SLA2: variants seen among roughly 807,000 people sequenced by gnomAD.
SLA2 encodes Src like adaptor 2.
Under a neutral mutation model 27.3 loss-of-function variants are expected in SLA2, and 22 were observed. The ratio of observed to expected loss-of-function variants is 0.81; its 90% CI spans 0.58 to 1.15. The LOEUF is 1.15. Ranked by LOEUF, SLA2 falls within the 50% of genes most tolerant of loss-of-function variation. The pLI, the probability that SLA2 is intolerant of heterozygous loss-of-function variation, is 0.00. For missense variants in SLA2, 304 were observed against 322.2 expected, an observed-to-expected ratio of 0.94 and a Z score of 0.43; for synonymous variants, 131 against 137.8, an observed-to-expected ratio of 0.95 and a Z score of 0.34.
At chr20:36,638,618 C>T (rs753050853) in intron 2 of SLA2, among the ~76,000 whole-genome samples, 3 of 151,938 alleles carry the variant, frequency 2.0e-5, no homozygotes, top group Admixed American at 6.6e-5. Context: ...CATGAGCCAC[C>T]GCCCCTAGCC....
At chr20:36,631,287 G>A (rs1396643850) in intron 5 of SLA2, among the ~76,000 whole-genome samples, 3 of 152,096 alleles carry the variant, frequency 2.0e-5, no homozygotes, top group Admixed American at 6.6e-5. Context: ...GAAGTAGCTC[G>A]GACTACAGGG....
chr20:36,619,483 G>A (rs1392608958), intron 5 of SLA2, among the ~76,000 whole-genome samples: 3 of 151,318 alleles, frequency 2.0e-5, no homozygotes, highest in Admixed American at 1.3e-4. Flanking sequence ...CCAAGATCAC[G>A]CCACTGCACT....
At chr20:36,618,208 ATAAG>A (rs1223553800) in intron 5 of SLA2, among the ~76,000 whole-genome samples, 2 of 152,150 alleles carry the variant, frequency 1.3e-5, no homozygotes, top group Non-Finnish European at 2.9e-5. Context: ...GCAGACAACC[ATAAG>A]TAAGCTAGAA....
At position 36,616,835 on chromosome 20, in the gene SLA2, G is replaced by A. The variant is rs368535418; in HGVS notation, c.383-1461C>T. ...AGGCTAGGGGCAGTGGCTCACGCCT[G>A]TAATCCCAGTTCGAGACCACCCTGG... On this transcript the variant is annotated intron_variant, in intron 5 of 7. Coordinates refer to ENST00000262866, the MANE Select transcript of SLA2 (RefSeq NM_032214.4). Among the ~76,000 whole-genome samples the A allele has an allele frequency of 3.4e-4, 52 of 152,246 alleles. 1 individual carries two copies. The South Asian group carries it at 0.011, about 31-fold the overall frequency.
intron 2 of SLA2, among the ~76,000 whole-genome samples, chr20:36,637,390 T>C (rs924631000): frequency 8.7e-5 from 13 of 149,890 alleles, no homozygotes; most frequent in African/African-American, 3.2e-4. Context: ...AGAGATGAGA[T>C]TTCACCACGT....
intron 2 of SLA2, among the ~76,000 whole-genome samples, chr20:36,637,150 T>C (rs2039458941): frequency 6.6e-6 from 1 of 151,968 alleles, no homozygotes; most frequent in African/African-American, 2.4e-5. Flanking sequence ...AGGTGACCCT[T>C]GTTCTATTAG....
chr20:36,643,808 C>T (rs1336859223), intron 1 of SLA2, among the ~76,000 whole-genome samples: 4 of 152,032 alleles, frequency 2.6e-5, no homozygotes, highest in South Asian at 2.1e-4. Context: ...AAAAATGAGC[C>T]GGGTGTGGTG....
rs1367051264 is a variant in SLA2, at chr20:36,612,358, G to C, written c.*1508C>G. 1 of 774,068 alleles carries C rather than the reference G, an allele frequency of 1.3e-6. No individual in the cohort carries two copies. Among genetic ancestry groups the C allele is most frequent in the Non-Finnish European group, 2.2e-6 (1 of 458,698 alleles). The allele number at this position is 774,068 out of a possible 1,614,324, so 47.9% of individuals were successfully genotyped here. ...TGTCATTTAATTTGATGCACCTCTGGATTCAGATGAAACATTAAATTGTCT... is the reference window on the plus strand; with the variant it reads ...TGTCATTTAATTTGATGCACCTCTGCATTCAGATGAAACATTAAATTGTCT... On this transcript the variant is annotated 3_prime_UTR_variant, in exon 8 of 8. Transcript: ENST00000262866.
At chr20:36,638,036 C>T (rs533980747) in intron 2 of SLA2, among the ~76,000 whole-genome samples, 33 of 151,710 alleles carry the variant, frequency 2.2e-4, no homozygotes, top group African/African-American at 7.7e-4. Context: ...GGATTACAGG[C>T]ACCCACCACC....
rs200666164 is a variant in SLA2 at position 36,619,630 on chromosome 20, TTTTC to T, written c.383-4260_383-4257del. On this transcript the variant is annotated intron_variant, in intron 5 of 7. Coordinates refer to ENST00000262866, the MANE Select transcript of SLA2 (RefSeq NM_032214.4). ...CCCCTTCCCATGTCTGTACAAATTTTTTTCTTTTTTTTTTTTTTGAGACAGAGTC... is the reference window on the plus strand; with the variant it reads ...CCCCTTCCCATGTCTGTACAAATTTTTTTTTTTTTTTTTTGAGACAGAGTC... Among the ~76,000 whole-genome samples the T allele has an allele frequency of 3.6e-3, 546 of 150,070 alleles. 6 individuals carry two copies. Among genetic ancestry groups the T allele is most frequent in the African/African-American group, 0.013 (524 of 39,956 alleles).
chr20:36,637,770 G>C (rs997731436), intron 2 of SLA2, among the ~76,000 whole-genome samples: 1 of 151,048 alleles, frequency 6.6e-6, no homozygotes, highest in African/African-American at 2.4e-5. Flanking sequence ...GGGATTACAG[G>C]CACATACCAC....
intron 5 of SLA2, among the ~76,000 whole-genome samples, chr20:36,629,229 A>C (rs978013495): frequency 6.6e-6 from 1 of 151,706 alleles, no homozygotes; most frequent in African/African-American, 2.4e-5. Context: ...TGCCCGGCTA[A>C]TTTTTTTGTA....
chr20:36,616,665 G>A (rs551931367), intron 5 of SLA2, among the ~76,000 whole-genome samples: 13 of 152,114 alleles, frequency 8.5e-5, no homozygotes, highest in African/African-American at 3.1e-4. Context: ...CCATGCTCTC[G>A]CTCTGTTGCC....
chr20:36,633,777 C>T (rs1422533692), intron 3 of SLA2, 148 bp from the exon 4 acceptor site: 2 of 628,540 alleles, frequency 3.2e-6, no homozygotes, highest in Non-Finnish European at 5.7e-6. Flanking sequence ...CTAGCCTGTC[C>T]AGGTACCTCC....
chr20:36,624,228 C>G (rs768418766), intron 5 of SLA2, among the ~76,000 whole-genome samples: 5 of 152,162 alleles, frequency 3.3e-5, no homozygotes, highest in Admixed American at 3.3e-4. Context: ...CAGGTCGTCT[C>G]ATGCCCCTAC....
At chr20:36,637,637 T>TC (rs1168414119) in intron 2 of SLA2, among the ~76,000 whole-genome samples, 1 of 141,842 alleles carries the variant, frequency 7.1e-6, no homozygotes, top group Non-Finnish European at 1.5e-5. Context: ...TTTTTTTTTT[T>TC]TTTTTTTTTG....
At chr20:36,633,448 C>G in intron 4 of SLA2, 95 bp downstream of exon 4, 2 of 1,069,624 alleles carry the variant, frequency 1.9e-6, no homozygotes, top group South Asian at 2.7e-5. Context: ...CCCCCATCCC[C>G]AGCTTTGCTC....
chr20:36,642,266 C>T (rs2039514794), intron 1 of SLA2, among the ~76,000 whole-genome samples: 1 of 65,810 alleles, frequency 1.5e-5, no homozygotes, highest in Non-Finnish European at 3.2e-5. Context: ...AGCCACTTCC[C>T]CTCTCTGTGC....
In SLA2 at chr20:36,614,388, C is replaced by T; in HGVS notation, c.582G>A (p.Gln194=). ...CCLLKEPCVL[Q]RAGPLPGKDI... ...CCTTGCCAGGGAGCGGGCCAGCCCT[C>T]TGCAGGACACAGGGCTCCTTGAGTA... The change falls in exon 7 of 8, where the codon CAG becomes CAA. Residue 194 remains glutamine, a synonymous_variant. Transcript: ENST00000262866. The T allele has an allele frequency of 1.2e-6, 2 of 1,613,952 alleles. No homozygotes were observed. Among genetic ancestry groups the T allele is most frequent in the Admixed American group, 3.3e-5 (2 of 59,978 alleles).
Sources: allele counts gnomAD v4.1 joint callset (sites outside exome capture counted in the v4.1 genomes callset), GRCh38; gene constraint gnomAD v4.1.1; transcripts MANE v1.5; gene names NCBI Gene and HGNC (gene_info 2026-07-23, HGNC 2026-07-21).